IFT81: variants seen among roughly 807,000 people sequenced by gnomAD.
IFT81 encodes the protein intraflagellar transport 81, also known as intraflagellar transport protein 81 homolog.
A neutral mutation model predicts 102.6 loss-of-function variants in IFT81; 72 were observed. That is an observed-to-expected ratio of 0.70 (90% confidence interval 0.58 to 0.85). IFT81 has a LOEUF of 0.85. Ranked by LOEUF, IFT81 falls within the 40% of genes least tolerant of loss-of-function variation. The pLI is 0.00. For synonymous variants in IFT81, 237 were observed against 242.7 expected, an observed-to-expected ratio of 0.98 and a Z score of 0.22; for missense variants, 723 against 787.3, an observed-to-expected ratio of 0.92 and a Z score of 0.98.
intron 4 of IFT81, among the ~76,000 whole-genome samples, chr12:110,131,934 G>A (rs1894187949): frequency 6.6e-6 from 1 of 152,202 alleles, no homozygotes; most frequent in South Asian, 2.1e-4. Context: ...AGTCATAGAT[G>A]TATAAGCTGG....
chr12:110,173,825 T>C (rs879385504), intron 11 of IFT81, among the ~76,000 whole-genome samples: 23 of 151,936 alleles, frequency 1.5e-4, no homozygotes, highest in Admixed American at 6.6e-4. Context: ...ACACAAACAC[T>C]GCGGAAGGCC....
At chr12:110,197,237 T>C (rs1483996210) in intron 14 of IFT81, among the ~76,000 whole-genome samples, 1 of 133,618 alleles carries the variant, frequency 7.5e-6, no homozygotes, top group Non-Finnish European at 1.6e-5. Flanking sequence ...GATAAGTAGA[T>C]AGGTAGGTAG....
intron 11 of IFT81, among the ~76,000 whole-genome samples, chr12:110,166,804 T>G (rs920732304): frequency 4.6e-5 from 7 of 151,528 alleles, no homozygotes; most frequent in African/African-American, 1.7e-4. Flanking sequence ...AGGACTACAC[T>G]GTGAACAATC....
chr12:110,185,168 A>T (rs1005541526), intron 12 of IFT81, among the ~76,000 whole-genome samples: 5 of 152,098 alleles, frequency 3.3e-5, no homozygotes, highest in African/African-American at 1.2e-4. Flanking sequence ...CCCTTGACTG[A>T]TTACAGTCTT....
chr12:110,217,535 G>A (rs1176205919), intron 18 of IFT81, among the ~76,000 whole-genome samples: 1 of 151,710 alleles, frequency 6.6e-6, no homozygotes, highest in Non-Finnish European at 1.5e-5. Flanking sequence ...TTATAGTTTT[G>A]TGTAGTTTTT....
rs181061151 is a variant in IFT81 at position 110,159,524 on chromosome 12, T to A, written c.1042-3395T>A. On this transcript the variant is annotated intron_variant, in intron 10 of 18. Transcript: ENST00000242591. ...CGGACATGTGTCATCACTTTCTAAA[T>A]TTTCCCATATATGCAGTTGCTTTTT... Among the ~76,000 whole-genome samples the A allele has an allele frequency of 5.6e-3, 851 of 152,280 alleles. 13 individuals carry two copies. The highest frequency in any genetic ancestry group is 0.02 in the African/African-American group (822 of 41,548).
intron 11 of IFT81, among the ~76,000 whole-genome samples, chr12:110,172,912 G>A (rs112500987): frequency 4.0e-5 from 6 of 151,888 alleles, no homozygotes; most frequent in African/African-American, 9.7e-5. Flanking sequence ...GAGCGTCTCC[G>A]CCCGGCAGCC....
chr12:110,161,134 C>CT (rs550038213), intron 10 of IFT81, among the ~76,000 whole-genome samples: 23,895 of 132,436 alleles, frequency 0.18, 2,367 homozygotes, highest in Admixed American at 0.26. Context: ...TTCTTCACCA[C>CT]TTTTTTTTTT....
intron 9 of IFT81, 25 bp from the exon 10 acceptor site, chr12:110,146,928 T>C (rs1284001884): frequency 5.1e-6 from 8 of 1,583,450 alleles, no homozygotes; most frequent in African/African-American, 1.4e-5. Flanking sequence ...TTTAACTTTT[T>C]TTTTTTGCTT....
intron 10 of IFT81, among the ~76,000 whole-genome samples, chr12:110,154,066 C>T (rs993173980): frequency 1.3e-5 from 2 of 152,092 alleles, no homozygotes; most frequent in Non-Finnish European, 2.9e-5. Flanking sequence ...TCACGGCAAC[C>T]TCCGCCTCCT....
intron 11 of IFT81, among the ~76,000 whole-genome samples, chr12:110,176,405 G>A (rs952480254): frequency 5.9e-5 from 9 of 152,128 alleles, no homozygotes; most frequent in African/African-American, 2.2e-4. Flanking sequence ...GGAAAAGGAG[G>A]GCAATTTTTA....
At chr12:110,182,218 T>A (rs1377730062) in intron 12 of IFT81, among the ~76,000 whole-genome samples, 2 of 152,206 alleles carry the variant, frequency 1.3e-5, no homozygotes, top group Non-Finnish European at 2.9e-5. Context: ...ACTAGTAGGA[T>A]CTACTTGTTT....
chr12:110,179,932 G>A (rs1897248632), intron 11 of IFT81, among the ~76,000 whole-genome samples: 2 of 147,242 alleles, frequency 1.4e-5, no homozygotes, highest in South Asian at 4.3e-4. Flanking sequence ...GTGAGATTTG[G>A]TCTCAAACAA....
At chr12:110,135,271 C>A in intron 6 of IFT81, 56 bp from the exon 7 acceptor site, 1 of 1,088,806 alleles carries the variant, frequency 9.2e-7, no homozygotes, top group Non-Finnish European at 1.4e-6. Context: ...ACATGACATG[C>A]TAATTTTTTT....
intron 17 of IFT81, among the ~76,000 whole-genome samples, chr12:110,208,438 G>A (rs1217925051): frequency 4.6e-5 from 7 of 152,090 alleles, no homozygotes; most frequent in African/African-American, 1.7e-4. Context: ...CCAGGGAGGT[G>A]GAGGCTACAA....
At chr12:110,154,271 G>A (rs1449688917) in intron 10 of IFT81, among the ~76,000 whole-genome samples, 1 of 150,704 alleles carries the variant, frequency 6.6e-6, no homozygotes, top group Non-Finnish European at 1.5e-5. Flanking sequence ...AGCTTGCAAT[G>A]AGCCGAGATC....
intron 4 of IFT81, among the ~76,000 whole-genome samples, chr12:110,129,851 A>T (rs76845771): frequency 0.035 from 5,009 of 144,008 alleles, 233 homozygotes; most frequent in African/African-American, 0.12. Flanking sequence ...TTTTTTTTTT[A>T]AAAAGTGCTT....
intron 18 of IFT81, among the ~76,000 whole-genome samples, chr12:110,215,701 T>A (rs192923109): frequency 1.3e-5 from 2 of 151,542 alleles, no homozygotes; most frequent in East Asian, 3.9e-4. Flanking sequence ...CTCTCTCTCT[T>A]TTTTCCTACC....
intron 9 of IFT81, among the ~76,000 whole-genome samples, chr12:110,145,984 G>A (rs575276714): frequency 2.0e-5 from 3 of 151,450 alleles, no homozygotes; most frequent in South Asian, 4.2e-4. Flanking sequence ...CTAATTTTTT[G>A]TATTTTTAGT....
Sources: gnomAD v4.1 joint callset for allele counts (sites outside exome capture counted in the v4.1 genomes callset) on GRCh38, gnomAD v4.1.1 for gene constraint, MANE v1.5 for transcripts, NCBI Gene and HGNC (gene_info 2026-07-23, HGNC 2026-07-21) for gene names.